The following FAM187A variants were observed in gnomAD, a reference collection of about 807,000 sequenced individuals.
The protein encoded by FAM187A is Ig-like V-type domain-containing protein FAM187A.
Under a neutral mutation model 6.4 loss-of-function variants are expected in FAM187A, and 4 were observed. The ratio of observed to expected loss-of-function variants is 0.63; its 90% CI spans 0.31 to 1.44. The LOEUF (loss-of-function observed/expected upper bound fraction) is 1.44, where lower values mean the gene tolerates loss of function less well. Among genes scored for constraint, FAM187A ranks in the 40% most tolerant of loss-of-function variants. The pLI is 0.07. For synonymous variants in FAM187A, 221 were observed against 213.4 expected, an observed-to-expected ratio of 1.04 and a Z score of -0.31; for missense variants, 463 against 542.2, an observed-to-expected ratio of 0.85 and a Z score of 1.45.
At chr17:44,904,403 C>G in exon 4 of FAM187A, 3 of 1,542,408 alleles carry the variant, frequency 1.9e-6, no homozygotes, top group Non-Finnish European at 2.6e-6. Flanking sequence ...GCGCATCGGC[C>G]TCTGCTACCT....
exon 4 of FAM187A, chr17:44,904,791 G>A: frequency 6.4e-7 from 1 of 1,550,640 alleles, no homozygotes; most frequent in Non-Finnish European, 8.7e-7. Context: ...AGGTCCATGA[G>A]GGTGTTCATT....
At chr17:44,904,585 C>G in exon 4 of FAM187A, 1 of 1,550,566 alleles carries the variant, frequency 6.4e-7, no homozygotes, top group Non-Finnish European at 8.7e-7. Flanking sequence ...TCCGGGAGGG[C>G]GTGCTGGCCA....
At chr17:44,904,927 A>G in exon 4 of FAM187A, 1 of 1,550,634 alleles carries the variant, frequency 6.4e-7, no homozygotes, top group Non-Finnish European at 8.7e-7. Context: ...GGCACTACCC[A>G]GCCTCGTTCT....
At chr17:44,905,320 A>T in exon 4 of FAM187A, 1 of 514,794 alleles carries the variant, frequency 1.9e-6, no homozygotes, top group South Asian at 2.7e-5. Context: ...CTGACTTCAC[A>T]TTTAGGTCAG....
At chr17:44,904,979 G>A in exon 4 of FAM187A, 2 of 1,550,754 alleles carry the variant, frequency 1.3e-6, no homozygotes, top group South Asian at 2.4e-5. Context: ...CACCCTGATA[G>A]GCTACCTGCT....
exon 4 of FAM187A, chr17:44,903,981 T>C (rs1427677700): frequency 2.6e-6 from 4 of 1,550,530 alleles, no homozygotes; most frequent in Non-Finnish European, 3.5e-6. Flanking sequence ...AGCTTTGAGC[T>C]TCCCTGTCAC....
Position 44,903,785 on chromosome 17 carries a change from T to A in FAM187A, c.-45T>A. The A allele has an allele frequency of 6.6e-7, 1 of 1,513,934 alleles. No individual in the cohort carries two copies. Among genetic ancestry groups the A allele is most frequent in the Non-Finnish European group, 8.9e-7 (1 of 1,129,554 alleles). 93.8% of individuals were successfully genotyped at this position (1,513,934 alleles called of 1,614,324 possible). ...TTCTAGGAGCCCTATGAGCCTTTAA[T>A]GCCCTGGTTTTGCCCTGCCCCTCTG... On this transcript the variant is annotated 5_prime_UTR_variant, in exon 4 of 4. An upstream start codon of the reference 5' UTR is lost. Transcript: ENST00000331733.
At chr17:44,904,419 G>A (rs1313294394) in exon 4 of FAM187A, 5 of 1,542,238 alleles carry the variant, frequency 3.2e-6, no homozygotes, top group African/African-American at 1.4e-5. Flanking sequence ...TACCTGCAGA[G>A]CCCAGACCTC....
At chr17:44,904,194 T>G (rs915403479) in exon 4 of FAM187A, 1 of 1,550,560 alleles carries the variant, frequency 6.4e-7, no homozygotes, top group East Asian at 2.4e-5. Context: ...GACTCAGGCC[T>G]GTACTTCTGC....
At chr17:44,903,547 G>A (rs2051598116) in exon 4 of FAM187A, 2 of 1,351,996 alleles carry the variant, frequency 1.5e-6, no homozygotes, top group East Asian at 5.5e-5. Context: ...ATTCTTGGGT[G>A]AGCGCCAGTG....
chr17:44,904,672 G>A (rs1316120304), exon 4 of FAM187A: 34 of 1,550,432 alleles, frequency 2.2e-5, no homozygotes, highest in African/African-American at 4.1e-5. Flanking sequence ...AGCAGAGACT[G>A]GGCCATGGAC....
chr17:44,903,865 A>G (rs1381454149), exon 4 of FAM187A: 7 of 1,535,688 alleles, frequency 4.6e-6, no homozygotes, highest in Non-Finnish European at 5.3e-6. Context: ...TCCTGTGGGC[A>G]TGGGGGCTCC....
At position 44,903,861 on chromosome 17, in the gene FAM187A, G is replaced by A. The variant is rs1322804946; in HGVS notation, c.32G>A (p.Trp11Ter). 2 of 1,536,684 alleles carry A rather than the reference G, an allele frequency of 1.3e-6. No individual in the cohort carries two copies. Among genetic ancestry groups the A allele is most frequent in the South Asian group, 2.4e-5 (2 of 83,526 alleles). Residue 11 changes from tryptophan to a stop codon, truncating the protein, a stop_gained, in exon 4 of 4, where the codon TGG becomes TAG. Coordinates refer to ENST00000331733, the Ensembl canonical transcript of FAM187A. LOFTEE classifies it high-confidence loss of function. ...CTGGCCCTCACCACTGTGCTCCTGT[G>A]GGCATGGGGGCTCCAGGCCTTTGAA...
chr17:44,903,455 G>A, exon 4 of FAM187A: 1 of 1,254,742 alleles, frequency 8.0e-7, no homozygotes, highest in Non-Finnish European at 1.0e-6. Context: ...AGGCTGGCAG[G>A]GCAGGGCCTG....
chr17:44,904,523 C>A (rs1567767575), exon 4 of FAM187A: 1 of 1,550,434 alleles, frequency 6.4e-7, no homozygotes, highest in African/African-American at 1.4e-5. Context: ...GGACCACACG[C>A]CTGAGGTGCT....
exon 4 of FAM187A, chr17:44,904,341 C>T: frequency 6.5e-7 from 1 of 1,542,096 alleles, no homozygotes; most frequent in Non-Finnish European, 8.8e-7. Context: ...GTCTTCACCA[C>T]CTTCTGGGAA....
exon 4 of FAM187A, chr17:44,904,523 C>G: frequency 6.4e-7 from 1 of 1,550,434 alleles, no homozygotes; most frequent in South Asian, 1.2e-5. Flanking sequence ...GGACCACACG[C>G]CTGAGGTGCT....
At position 44,904,134 on chromosome 17, in the gene FAM187A, G is replaced by A. The variant is rs372939480; in HGVS notation, c.305G>A (p.Arg102His). Residue 102 changes from arginine to histidine, a missense_variant, in exon 4 of 4, where the codon CGC becomes CAC. Arg to His is a conservative substitution (Grantham distance 29). Coordinates refer to ENST00000331733, the Ensembl canonical transcript of FAM187A. ...CGTGTGGGCAGCGACATGCTGACCC[G>A]CTTCAGCATCCGCATGTTCAGCTTG... is the stretch of plus-strand genomic sequence containing the variant. 1.9e-4 allele frequency: 297 copies of A among 1,550,430 alleles called. 2 individuals carry two copies. Among genetic ancestry groups the A allele is most frequent in the South Asian group, 1.8e-3 (154 of 84,062 alleles).
exon 4 of FAM187A, chr17:44,904,737 A>C (rs1336675222): frequency 6.4e-7 from 1 of 1,550,430 alleles, no homozygotes; most frequent in African/African-American, 1.4e-5. Flanking sequence ...TGGGACAAAG[A>C]CCGCCAGCAC....
Sources: allele counts gnomAD v4.1 joint callset, GRCh38; gene constraint gnomAD v4.1.1; transcripts MANE v1.5; gene names NCBI Gene and HGNC (gene_info 2026-07-23, HGNC 2026-07-21).